The following SGCZ variants were observed in gnomAD, a reference collection of about 807,000 sequenced individuals.
SGCZ encodes zeta-sarcoglycan.
A neutral mutation model predicts 41.3 loss-of-function variants in SGCZ; 40 were observed. That is an observed-to-expected ratio of 0.97 (90% CI 0.75 to 1.26). The LOEUF (loss-of-function observed/expected upper bound fraction) is 1.26, where lower values mean the gene tolerates loss of function less well. SGCZ is among the 50% of genes most tolerant of loss of function. The pLI, the probability that SGCZ is intolerant of heterozygous loss-of-function variation, is 0.00. For synonymous variants in SGCZ, 206 were observed against 137.5 expected (o/e 1.50, Z -3.49); for missense variants, 552 against 369.8 (o/e 1.49, Z -4.04).
At chr8:14,361,611 C>A (rs1380072411) in intron 2 of SGCZ, among the ~76,000 whole-genome samples, 1 of 152,122 alleles carries the variant, frequency 6.6e-6, no homozygotes, top group Non-Finnish European at 1.5e-5. Flanking sequence ...AGCTTCCTTG[C>A]GATGGGTTAG....
At chr8:14,572,933 T>C (rs1804598256) in intron 1 of SGCZ, among the ~76,000 whole-genome samples, 1 of 152,184 alleles carries the variant, frequency 6.6e-6, no homozygotes, top group South Asian at 2.1e-4. Context: ...ATTTACTAAA[T>C]ACCTATACAT....
chr8:14,570,399 C>G (rs1804514671), intron 1 of SGCZ, among the ~76,000 whole-genome samples: 1 of 152,152 alleles, frequency 6.6e-6, no homozygotes, highest in South Asian at 2.1e-4. Context: ...TTTCAATACT[C>G]TTCTTGCTAT....
intron 3 of SGCZ, among the ~76,000 whole-genome samples, chr8:14,307,578 G>A (rs1329705150): frequency 6.6e-6 from 1 of 152,038 alleles, no homozygotes; most frequent in Admixed American, 6.6e-5. Flanking sequence ...CACTAAAATT[G>A]CGGCATTAAA....
intron 1 of SGCZ, among the ~76,000 whole-genome samples, chr8:14,803,127 G>C (rs559624760): frequency 1.5e-4 from 23 of 152,286 alleles, no homozygotes; most frequent in Admixed American, 2.6e-4. Flanking sequence ...TATATGTTAA[G>C]GGGACTTGTA....
intron 1 of SGCZ, among the ~76,000 whole-genome samples, chr8:15,012,246 T>A (rs926816475): frequency 1.3e-5 from 2 of 151,822 alleles, no homozygotes; most frequent in Non-Finnish European, 2.9e-5. Context: ...GAGGATCACT[T>A]AAGACCAAGA....
intron 1 of SGCZ, among the ~76,000 whole-genome samples, chr8:15,173,297 G>A (rs1352528754): frequency 1.3e-5 from 2 of 152,266 alleles, no homozygotes; most frequent in African/African-American, 4.8e-5. Flanking sequence ...CAGATCTCCA[G>A]GAATTTTTCA....
In SGCZ at chr8:14,671,381, G is replaced by A. The variant is rs182682947; in HGVS notation, c.40-116455C>T. Among the ~76,000 whole-genome samples the A allele has an allele frequency of 3.1e-3, 465 of 152,164 alleles. 3 individuals carry two copies. Among genetic ancestry groups the A allele is most frequent in the Non-Finnish European group, 5.6e-4 (38 of 68,008 alleles). Reference sequence around the variant, plus strand: ...AAACCCTTTTATTAATAGATGGAATGGAATCACTTGATTTTAATTTTTATC... The same window carrying A: ...AAACCCTTTTATTAATAGATGGAATAGAATCACTTGATTTTAATTTTTATC... On this transcript the variant is annotated intron_variant, in intron 1 of 7. Transcript: ENST00000382080.
intron 1 of SGCZ, among the ~76,000 whole-genome samples, chr8:14,623,368 C>G (rs1430395310): frequency 6.6e-6 from 1 of 152,170 alleles, no homozygotes; most frequent in East Asian, 1.9e-4. Flanking sequence ...AAAGGAACAT[C>G]TCTTTGCGTG....
At chr8:14,233,550 T>C (rs1554483808) in intron 4 of SGCZ, among the ~76,000 whole-genome samples, 3 of 148,866 alleles carry the variant, frequency 2.0e-5, no homozygotes, top group Non-Finnish European at 4.5e-5. Context: ...AACTGCATAA[T>C]ACTTTATTTA....
intron 3 of SGCZ, among the ~76,000 whole-genome samples, chr8:14,262,293 C>G (rs961714825): frequency 1.3e-5 from 2 of 152,158 alleles, no homozygotes; most frequent in Non-Finnish European, 2.9e-5. Flanking sequence ...GTAAACTGTT[C>G]TTTGCTTCAC....
At chr8:14,843,400 T>G (rs2130632933) in intron 1 of SGCZ, among the ~76,000 whole-genome samples, 1 of 152,220 alleles carries the variant, frequency 6.6e-6, no homozygotes, top group African/African-American at 2.4e-5. Flanking sequence ...CCAATTAGAA[T>G]TTCAGGTATC....
At chr8:14,278,291 C>T (rs1288143210) in intron 3 of SGCZ, among the ~76,000 whole-genome samples, 1 of 152,098 alleles carries the variant, frequency 6.6e-6, no homozygotes, top group Non-Finnish European at 1.5e-5. Context: ...ACCACGTGCA[C>T]ATAAATAAAT....
chr8:14,473,530 A>T (rs1372341834), intron 2 of SGCZ, among the ~76,000 whole-genome samples: 1 of 152,170 alleles, frequency 6.6e-6, no homozygotes, highest in East Asian at 1.9e-4. Flanking sequence ...TAAAATATCA[A>T]TTTTGACCCA....
intron 1 of SGCZ, among the ~76,000 whole-genome samples, chr8:14,855,350 G>A (rs1006845694): frequency 7.2e-5 from 11 of 152,128 alleles, no homozygotes; most frequent in Admixed American, 3.9e-4. Context: ...GTCCCCAGCC[G>A]GCATCTCCAT....
intron 1 of SGCZ, among the ~76,000 whole-genome samples, chr8:15,124,754 G>A (rs1193804103): frequency 6.6e-6 from 1 of 152,072 alleles, no homozygotes; most frequent in Non-Finnish European, 1.5e-5. Context: ...GCCAAAGGGG[G>A]AACATAAGAT....
chr8:14,114,534 T>A (rs1163753633), intron 5 of SGCZ, among the ~76,000 whole-genome samples: 1 of 151,908 alleles, frequency 6.6e-6, no homozygotes, highest in Non-Finnish European at 1.5e-5. Context: ...TCATTTGGCA[T>A]TTTTTTCATC....
intron 1 of SGCZ, among the ~76,000 whole-genome samples, chr8:14,794,186 A>G (rs924957957): frequency 5.1e-4 from 77 of 152,250 alleles, no homozygotes; most frequent in African/African-American, 1.7e-3. Context: ...TTAGACACCA[A>G]TAAAAAATTA....
At chr8:14,392,825 CTAAG>C (rs1804822749) in intron 2 of SGCZ, among the ~76,000 whole-genome samples, 1 of 107,698 alleles carries the variant, frequency 9.3e-6, no homozygotes, top group African/African-American at 5.2e-5. Flanking sequence ...ATATCAAATT[CTAAG>C]TGAGATTTGC....
chr8:14,650,069 A>G (rs1219370992), intron 1 of SGCZ, among the ~76,000 whole-genome samples: 5 of 152,092 alleles, frequency 3.3e-5, no homozygotes, highest in Non-Finnish European at 7.3e-5. Flanking sequence ...CAAAAGGTAC[A>G]ATAATTCTCA....
Sources: allele counts gnomAD v4.1 joint callset (sites outside exome capture counted in the v4.1 genomes callset), GRCh38; gene constraint gnomAD v4.1.1; transcripts MANE v1.5; gene names NCBI Gene and HGNC (gene_info 2026-07-23, HGNC 2026-07-21).